The following GRXCR1 variants were observed in gnomAD, a reference collection of about 807,000 sequenced individuals.
The protein encoded by GRXCR1 is glutaredoxin domain-containing cysteine-rich protein 1.
GRXCR1 carries 27 observed loss-of-function variants against 27.3 expected under a neutral mutation model. The ratio of observed to expected loss-of-function variants is 0.99; its 90% CI spans 0.73 to 1.37. GRXCR1 has a LOEUF of 1.37. Ranked by LOEUF, GRXCR1 falls within the 40% of genes most tolerant of loss-of-function variation. GRXCR1 has a pLI of 0.00. For missense variants in GRXCR1, 379 were observed against 354.4 expected (o/e 1.07, Z -0.56); for synonymous variants, 122 against 131.1 (o/e 0.93, Z 0.47).
At chr4:43,010,229 C>G (rs1047266064) in intron 2 of GRXCR1, among the ~76,000 whole-genome samples, 1 of 152,024 alleles carries the variant, frequency 6.6e-6, no homozygotes, top group East Asian at 1.9e-4. Flanking sequence ...TGGTGAAACC[C>G]TGCCTCTACT....
intron 1 of GRXCR1, among the ~76,000 whole-genome samples, chr4:42,958,231 AG>A (rs1460735774): frequency 2.0e-5 from 3 of 152,008 alleles, no homozygotes; most frequent in Non-Finnish European, 2.9e-5. Context: ...CTTTCTTTTA[AG>A]TTAAACAAGA....
rs145544329 is a variant in GRXCR1, at chr4:42,927,969, G to A, written c.384+34319G>A. Among the ~76,000 whole-genome samples, 368 of 152,094 alleles carry A rather than the reference G, an allele frequency of 2.4e-3. 1 individual carries two copies. Among genetic ancestry groups the A allele is most frequent in the Non-Finnish European group, 3.5e-3 (237 of 67,950 alleles). ...ACCAAACTTGCTTGAGCTTAAACAA[G>A]TTACTGCTGTAGACAGCTAGAGCTC... On this transcript the variant is annotated intron_variant, in intron 1 of 3. Coordinates refer to ENST00000399770, the MANE Select transcript of GRXCR1 (RefSeq NM_001080476.3).
chr4:43,002,335 C>T (rs560496327), intron 2 of GRXCR1, among the ~76,000 whole-genome samples: 1 of 152,266 alleles, frequency 6.6e-6, no homozygotes, highest in African/African-American at 2.4e-5. Flanking sequence ...CTGCGGCTTT[C>T]CACAGTGCAT....
intron 2 of GRXCR1, among the ~76,000 whole-genome samples, chr4:42,974,767 G>T (rs1260677047): frequency 6.6e-6 from 1 of 152,096 alleles, no homozygotes; most frequent in Non-Finnish European, 1.5e-5. Context: ...ATGCCTGGTT[G>T]GGGATCTTGG....
intron 1 of GRXCR1, among the ~76,000 whole-genome samples, chr4:42,911,339 CAACA>C (rs1464164461): frequency 1.3e-5 from 2 of 151,964 alleles, no homozygotes; most frequent in African/African-American, 4.8e-5. Flanking sequence ...AAAGCAATAG[CAACA>C]AAAGTGTATA....
chr4:43,004,966 C>T (rs190434695), intron 2 of GRXCR1, among the ~76,000 whole-genome samples: 2 of 152,216 alleles, frequency 1.3e-5, no homozygotes, highest in African/African-American at 2.4e-5. Context: ...GGTGGAATGA[C>T]ATGGTTTGGC....
At chr4:42,942,526 G>A (rs1321626335) in intron 1 of GRXCR1, among the ~76,000 whole-genome samples, 1 of 152,052 alleles carries the variant, frequency 6.6e-6, no homozygotes, top group East Asian at 1.9e-4. Flanking sequence ...TCTCTATGGG[G>A]CACAAATAAA....
intron 1 of GRXCR1, among the ~76,000 whole-genome samples, chr4:42,917,257 A>G (rs1746906205): frequency 6.6e-6 from 1 of 152,152 alleles, no homozygotes; most frequent in Non-Finnish European, 1.5e-5. Context: ...AAGTAGAAAT[A>G]TATGGGAGAG....
In GRXCR1 at chr4:42,958,593, A is replaced by G. The variant is rs114794793; in HGVS notation, c.385-4299A>G. Among the ~76,000 whole-genome samples the G allele has an allele frequency of 5.2e-3, 785 of 152,136 alleles. 6 individuals are homozygous for G. Among genetic ancestry groups the G allele is most frequent in the African/African-American group, 0.018 (749 of 41,552 alleles). ...ACGCAAAACTAAAATGCTTCTGTACAGCAAATAAGATTATCAATGAAATGA... is the reference window on the plus strand; with the variant it reads ...ACGCAAAACTAAAATGCTTCTGTACGGCAAATAAGATTATCAATGAAATGA... On this transcript the variant is annotated intron_variant, in intron 1 of 3. Coordinates refer to ENST00000399770, the MANE Select transcript of GRXCR1 (RefSeq NM_001080476.3).
chr4:42,966,799 G>A (rs1748247766), intron 2 of GRXCR1, among the ~76,000 whole-genome samples: 1 of 152,020 alleles, frequency 6.6e-6, no homozygotes. Context: ...CATATGATGT[G>A]GAACATCTTT....
rs112465874 is a variant in GRXCR1, at chr4:42,946,146, C to A, written c.385-16746C>A. 8.5e-3 allele frequency among the ~76,000 whole-genome samples: 1,297 copies of A among 152,172 alleles called. 19 individuals carry two copies. Among genetic ancestry groups the A allele is most frequent in the African/African-American group, 0.03 (1,240 of 41,512 alleles). On this transcript the variant is annotated intron_variant, in intron 1 of 3. Transcript: ENST00000399770. Reference sequence around the variant, plus strand: ...ATTATACTGTTCAGAATGATATATACCCAGTGGAATAGCCATGCCACAGCA... The same window carrying A: ...ATTATACTGTTCAGAATGATATATAACCAGTGGAATAGCCATGCCACAGCA...
intron 1 of GRXCR1, among the ~76,000 whole-genome samples, chr4:42,931,006 A>G (rs1747292006): frequency 6.6e-6 from 1 of 151,998 alleles, no homozygotes; most frequent in African/African-American, 2.4e-5. Context: ...CATGGAATAT[A>G]TGCAAGGACA....
intron 2 of GRXCR1, among the ~76,000 whole-genome samples, chr4:42,993,530 C>T (rs1202315318): frequency 6.6e-6 from 1 of 152,082 alleles, no homozygotes; most frequent in African/African-American, 2.4e-5. Context: ...ACCTGTTGAA[C>T]ATTATAGCTT....
chr4:42,983,524 G>T (rs1392911460), intron 2 of GRXCR1, among the ~76,000 whole-genome samples: 1 of 151,476 alleles, frequency 6.6e-6, no homozygotes, highest in Admixed American at 6.6e-5. Context: ...GCTTAGGATT[G>T]ACTTGGCGAT....
chr4:43,010,082 C>A (rs1712691658), intron 2 of GRXCR1, among the ~76,000 whole-genome samples: 1 of 152,122 alleles, frequency 6.6e-6, no homozygotes, highest in South Asian at 2.1e-4. Flanking sequence ...TCAACTCCAT[C>A]ACATATTTTC....
chr4:42,901,580 C>T (rs1015302318), intron 1 of GRXCR1, among the ~76,000 whole-genome samples: 2 of 152,160 alleles, frequency 1.3e-5, no homozygotes, highest in African/African-American at 4.8e-5. Context: ...CTTCCTATCT[C>T]AAGATGCTTA....
intron 2 of GRXCR1, among the ~76,000 whole-genome samples, chr4:43,020,139 C>G (rs1287932724): frequency 1.3e-5 from 2 of 152,032 alleles, no homozygotes; most frequent in Non-Finnish European, 2.9e-5. Flanking sequence ...GCTGGCAGCC[C>G]TCCTCTTACC....
intron 1 of GRXCR1, among the ~76,000 whole-genome samples, chr4:42,962,312 T>C (rs908234407): frequency 6.6e-6 from 1 of 152,012 alleles, no homozygotes; most frequent in African/African-American, 2.4e-5. Flanking sequence ...TTTTATTTCT[T>C]GTGGCATAAC....
At chr4:42,931,390 G>A (rs1269615815) in intron 1 of GRXCR1, among the ~76,000 whole-genome samples, 2 of 151,840 alleles carry the variant, frequency 1.3e-5, no homozygotes, top group Non-Finnish European at 2.9e-5. Context: ...TTCTCATCTT[G>A]TTTGCCACCT....
Sources: allele counts gnomAD v4.1 joint callset (sites outside exome capture counted in the v4.1 genomes callset), GRCh38; gene constraint gnomAD v4.1.1; transcripts MANE v1.5; gene names NCBI Gene and HGNC (gene_info 2026-07-23, HGNC 2026-07-21).